Variants in EFTUD2 observed in about 807,000 individuals in gnomAD.
EFTUD2 encodes the protein 116 kDa U5 small nuclear ribonucleoprotein component.
Under a neutral mutation model 114.3 loss-of-function variants are expected in EFTUD2, and 9 were observed. The observed-to-expected ratio is 0.08, with a 90% CI of 0.05 to 0.14. The LOEUF is 0.14. Ranked by LOEUF, EFTUD2 falls within the 10% of genes least tolerant of loss-of-function variation. The pLI is 1.00. For missense variants in EFTUD2, 765 were observed against 1,241.2 expected, an observed-to-expected ratio of 0.62 and a Z score of 5.76; for synonymous variants, 449 against 462.3, an observed-to-expected ratio of 0.97 and a Z score of 0.37.
In EFTUD2 at chr17:44,860,415, C is replaced by T; in HGVS notation, c.1719+17G>A. ...TCTAGCTTAAGCCAACCCAGTTGGT[C>T]TCTTCAGAAACTCTACCTCCTCATT... On this transcript the variant is annotated intron_variant, in intron 17 of 27. Transcript: ENST00000426333. The T allele has an allele frequency of 6.3e-7, 1 of 1,596,178 alleles. No individual in the cohort carries two copies. The highest frequency in any genetic ancestry group is 1.1e-5 in the South Asian group (1 of 90,660).
Position 44,850,781 on chromosome 17 carries a change from G to A in EFTUD2, c.*493C>T. On this transcript the variant is annotated 3_prime_UTR_variant, in exon 28 of 28. Transcript: ENST00000426333. ...AATTAAAAGGCAGGCGGCTTCCCTG[G>A]GGACCCAGGCAGGAAGGAGGCTGCA... 1 of 230,218 alleles carries A rather than the reference G, an allele frequency of 4.3e-6. No homozygotes were observed. The highest frequency in any genetic ancestry group is 8.7e-6 in the Non-Finnish European group (1 of 114,764). 14.3% of individuals were successfully genotyped at this position (230,218 alleles called of 1,614,324 possible).
chr17:44,860,560 T>A lies in EFTUD2; in HGVS notation c.1608-17A>T, dbSNP rs373063662. On this transcript the variant is annotated splice_polypyrimidine_tract_variant and intron_variant, in intron 16 of 27. Transcript: ENST00000426333. ...ATGTGGTACCTGAAGCAATGTCCAA[T>A]AAGCAGCAGTGAAACTTAGGCAGAG... 144 of 1,490,112 alleles carry A rather than the reference T, an allele frequency of 9.7e-5. No individual in the cohort carries two copies. In the African/African-American group the frequency reaches 1.8e-3, roughly 19 times the overall value. 92.3% of individuals were successfully genotyped at this position (1,490,112 alleles called of 1,614,324 possible).
Position 44,854,204 on chromosome 17 carries a change from C to A in EFTUD2, c.2347+65G>T. ...CGAATCCTAAAGATGGTGAGCCCAT[C>A]CCACTCATATGCCTGGCTGCAAGGA... On this transcript the variant is annotated intron_variant, in intron 23 of 27. Coordinates refer to ENST00000426333, the MANE Select transcript of EFTUD2 (RefSeq NM_004247.4). This position sits in a 1 kb window ranked among gnomAD's most constrained non-coding sequence, Gnocchi z 4.3. The A allele has an allele frequency of 2.6e-6, 4 of 1,519,352 alleles. No homozygotes were observed. The South Asian group carries it at 3.7e-5, about 14-fold the overall frequency. 94.1% of individuals were successfully genotyped at this position (1,519,352 alleles called of 1,614,324 possible). A position where few individuals can be genotyped will look rare whatever the true frequency, so the allele number is the denominator to read the frequency against.
intron 16 of EFTUD2, among the ~76,000 whole-genome samples, chr17:44,861,957 A>C (rs1480180819): frequency 2.0e-5 from 3 of 152,200 alleles, no homozygotes; most frequent in Non-Finnish European, 4.4e-5. Context: ...GGGATGCTAC[A>C]AGGGATCCAG....
chr17:44,887,356 A>G (rs1413698332), intron 2 of EFTUD2, among the ~76,000 whole-genome samples: 1 of 152,204 alleles, frequency 6.6e-6, no homozygotes. Context: ...GCCACACAAA[A>G]ACTTAGAAAT....
At chr17:44,882,929 G>A (rs978565478) in intron 6 of EFTUD2, among the ~76,000 whole-genome samples, 164 bp downstream of exon 6, 2 of 152,150 alleles carry the variant, frequency 1.3e-5, no homozygotes, top group African/African-American at 4.8e-5. Context: ...CGAGAAAGTT[G>A]AAATTATTTT....
chr17:44,887,495 A>C (rs928051766), intron 2 of EFTUD2, among the ~76,000 whole-genome samples: 1 of 152,240 alleles, frequency 6.6e-6, no homozygotes. Context: ...AAAACAAACA[A>C]AATACCTATA....
chr17:44,875,807 C>T (rs1041031439), intron 10 of EFTUD2, 127 bp downstream of exon 10: 1 of 1,103,904 alleles, frequency 9.1e-7, no homozygotes, highest in African/African-American at 1.6e-5. Flanking sequence ...CCAGGATGTG[C>T]CTCTAGTTTT....
chr17:44,894,580 G>A, intron 1 of EFTUD2, 55 bp from the exon 2 acceptor site: 1 of 1,348,124 alleles, frequency 7.4e-7, no homozygotes, highest in Non-Finnish European at 1.1e-6. Context: ...AGGCCTTCAT[G>A]TGGTGGCTCC....
In EFTUD2 at chr17:44,851,927, A is replaced by T. The variant is rs889988104; in HGVS notation, c.2716-110T>A. On this transcript the variant is annotated intron_variant, in intron 26 of 27. Transcript: ENST00000426333. ...ATTCCTAAATTTATTACTTATTATT[A>T]TTTTTTTGAGATGGAGTTTCGCTCT... The T allele has an allele frequency of 1.2e-5, 12 of 1,006,334 alleles. No homozygotes were observed. In the African/African-American group the frequency reaches 1.3e-4, roughly 11 times the overall value. 62.3% of individuals were successfully genotyped at this position (1,006,334 alleles called of 1,614,324 possible).
At chr17:44,875,144 T>G (rs1390245870) in intron 10 of EFTUD2, among the ~76,000 whole-genome samples, 1 of 152,012 alleles carries the variant, frequency 6.6e-6, no homozygotes, top group Non-Finnish European at 1.5e-5. Context: ...GGTGGAAGAA[T>G]TGCTTGAGGC....
At chr17:44,860,310 T>C in intron 17 of EFTUD2, 122 bp downstream of exon 17, 1 of 806,462 alleles carries the variant, frequency 1.2e-6, no homozygotes, top group Admixed American at 2.2e-5. Flanking sequence ...GGGTCATATC[T>C]AGAAGGCTAA....
At chr17:44,895,600 G>T (rs2051369892) in intron 1 of EFTUD2, among the ~76,000 whole-genome samples, 1 of 151,778 alleles carries the variant, frequency 6.6e-6, no homozygotes, top group Non-Finnish European at 1.5e-5. Context: ...GAATAGTTGA[G>T]ACTGAAACCA....
In EFTUD2 at chr17:44,860,557, C is replaced by A; in HGVS notation, c.1608-14G>T. The A allele has an allele frequency of 1.3e-6, 2 of 1,511,616 alleles. No homozygotes were observed. Among genetic ancestry groups the A allele is most frequent in the Non-Finnish European group, 1.8e-6 (2 of 1,086,972 alleles). 93.6% of individuals were successfully genotyped at this position (1,511,616 alleles called of 1,614,324 possible). On this transcript the variant is annotated splice_polypyrimidine_tract_variant and intron_variant, in intron 16 of 27. Transcript: ENST00000426333. ...TCGATGTGGTACCTGAAGCAATGTC[C>A]AATAAGCAGCAGTGAAACTTAGGCA...
chr17:44,875,320 G>A (rs577269418), intron 10 of EFTUD2, among the ~76,000 whole-genome samples: 4 of 152,272 alleles, frequency 2.6e-5, no homozygotes, highest in African/African-American at 9.6e-5. Context: ...CACGAGCTCA[G>A]AAGGTCAAGA....
intron 17 of EFTUD2, 188 bp from the exon 18 acceptor site, chr17:44,860,233 A>G (rs2050631576): frequency 2.4e-6 from 2 of 846,244 alleles, no homozygotes; most frequent in African/African-American, 1.7e-5. Context: ...CAAAGAGAGG[A>G]GGAAAATAAT....
At chr17:44,884,060 A>T (rs1010466911) in intron 4 of EFTUD2, 16 of 282,886 alleles carry the variant, frequency 5.7e-5, no homozygotes, top group African/African-American at 3.4e-4. Context: ...TGAGGTCAGG[A>T]GTTCAAGACC....
chr17:44,855,024 G>T lies in EFTUD2; in HGVS notation c.2046-20C>A, dbSNP rs554543064. On this transcript the variant is annotated intron_variant, in intron 20 of 27. Transcript: ENST00000426333. ...TTGTTCCTGGTCAGAATGGAAATGG[G>T]TGGTAAGGACGGCTAACAGAACAGC... 108 of 1,606,460 alleles carry T rather than the reference G, an allele frequency of 6.7e-5. 1 individual carries two copies. The East Asian group carries it at 2.1e-3, about 31-fold the overall frequency.
rs140947382 is a variant in EFTUD2 at position 44,862,094 on chromosome 17, A to G, written c.1607+619T>C. On this transcript the variant is annotated intron_variant, in intron 16 of 27. Coordinates refer to ENST00000426333, the MANE Select transcript of EFTUD2 (RefSeq NM_004247.4). ...AATGAAAAGAGGATTAAGATGAGTA[A>G]CAATGGAAATCCTCCTACAAAAGTT... Among the ~76,000 whole-genome samples, 362 of 152,318 alleles carry G rather than the reference A, an allele frequency of 2.4e-3. 1 individual carries two copies. Among genetic ancestry groups the G allele is most frequent in the Non-Finnish European group, 3.1e-3 (210 of 68,022 alleles).
Sources: allele counts gnomAD v4.1 joint callset (sites outside exome capture counted in the v4.1 genomes callset), GRCh38; gene constraint gnomAD v4.1.1; non-coding constraint Gnocchi (gnomAD v3.1); transcripts MANE v1.5; gene names NCBI Gene and HGNC (gene_info 2026-07-23, HGNC 2026-07-21).